The following ADAM12 variants were observed in gnomAD, a reference collection of about 807,000 sequenced individuals.
ADAM12 encodes the protein ADAM metallopeptidase domain 12.
Under a neutral mutation model 106.4 loss-of-function variants are expected in ADAM12, and 70 were observed. That is an observed-to-expected ratio of 0.66 (90% CI 0.54 to 0.80). The LOEUF is 0.80. Ranked by LOEUF, ADAM12 falls within the 30% of genes least tolerant of loss-of-function variation. ADAM12 has a pLI of 0.00. For missense variants in ADAM12, 1,010 were observed against 1,171.9 expected (o/e 0.86, Z 2.02); for synonymous variants, 420 against 433.5 (o/e 0.97, Z 0.39).
At chr10:126,319,403 T>C (rs114705642) in intron 2 of ADAM12, among the ~76,000 whole-genome samples, 1,639 of 152,162 alleles carry the variant, frequency 0.011, 35 homozygotes, top group African/African-American at 0.037. Flanking sequence ...CCCCTTGATA[T>C]GGTGTAACAA....
intron 14 of ADAM12, among the ~76,000 whole-genome samples, chr10:126,058,224 T>C (rs1267593793): frequency 6.6e-6 from 1 of 152,252 alleles, no homozygotes; most frequent in African/African-American, 2.4e-5. Context: ...CCAGGGCTCC[T>C]ACCTGTGGGC....
chr10:126,279,651 C>T (rs1168172812), intron 2 of ADAM12, among the ~76,000 whole-genome samples: 8 of 151,710 alleles, frequency 5.3e-5, no homozygotes, highest in Non-Finnish European at 1.2e-4. Context: ...CGCTTGAACC[C>T]GGGAGGCCGA....
At chr10:126,051,536 C>T (rs11599697) in intron 14 of ADAM12, among the ~76,000 whole-genome samples, 53 of 118,994 alleles carry the variant, frequency 4.5e-4, no homozygotes, top group African/African-American at 1.1e-3. Context: ...CAGCCAGCCA[C>T]CCATCCATCC....
chr10:126,231,298 T>C (rs1958305419), intron 3 of ADAM12, among the ~76,000 whole-genome samples: 1 of 152,164 alleles, frequency 6.6e-6, no homozygotes, highest in African/African-American at 2.4e-5. Context: ...TTTGGCTTTC[T>C]TTTTCCAGGG....
rs114918899 is a variant in ADAM12 at position 126,270,433 on chromosome 10, A to G, written c.260+8482T>C. On this transcript the variant is annotated intron_variant, in intron 3 of 22. Transcript: ENST00000448723. ...CCAGTGCTGTCCAACAGAAATTTCT[A>G]TGATGATGGAAATGTCCGTCTAGCC... Among the ~76,000 whole-genome samples, 1,426 of 152,334 alleles carry G rather than the reference A, an allele frequency of 9.4e-3. 24 individuals are homozygous for G. The highest frequency in any genetic ancestry group is 0.032 in the African/African-American group (1,351 of 41,572).
chr10:126,338,789 G>A (rs573698489), intron 1 of ADAM12, among the ~76,000 whole-genome samples: 2 of 152,092 alleles, frequency 1.3e-5, no homozygotes, highest in Non-Finnish European at 2.9e-5. Context: ...TGATGTAAGG[G>A]GAAAATGAAA....
chr10:126,340,916 C>G (rs1420952347), intron 1 of ADAM12, among the ~76,000 whole-genome samples: 1 of 151,976 alleles, frequency 6.6e-6, no homozygotes, highest in African/African-American at 2.4e-5. Context: ...GGGGTTTCAC[C>G]ATCTTGGCCA....
intron 11 of ADAM12, among the ~76,000 whole-genome samples, chr10:126,093,713 C>G (rs531879882): frequency 6.6e-6 from 1 of 152,214 alleles, no homozygotes; most frequent in African/African-American, 2.4e-5. Context: ...AGATAATTAG[C>G]GATTTCTAAA....
chr10:126,129,565 A>G (rs921483078), intron 5 of ADAM12, among the ~76,000 whole-genome samples: 3 of 152,242 alleles, frequency 2.0e-5, no homozygotes, highest in Non-Finnish European at 4.4e-5. Context: ...CCTGGCTGGC[A>G]GGAATGAGAG....
chr10:126,094,852 T>A (rs978411014), intron 10 of ADAM12, among the ~76,000 whole-genome samples: 4 of 152,284 alleles, frequency 2.6e-5, no homozygotes, highest in Admixed American at 6.5e-5. Context: ...ACCTTTTGCT[T>A]GGATATGGAA....
chr10:126,302,206 T>C (rs1317525607), intron 2 of ADAM12, among the ~76,000 whole-genome samples: 1 of 152,198 alleles, frequency 6.6e-6, no homozygotes, highest in African/African-American at 2.4e-5. Context: ...AACTGTTCAT[T>C]TTGCTTCACC....
Position 126,039,414 on chromosome 10 carries a change from G to A in ADAM12, c.2120C>T (p.Thr707Ile). ...CAGGATGGTCACCAGAATTCCTATG[G>A]TTAAACCTTGGTTATCTGAAACAAA... is the stretch of plus-strand genomic sequence containing the variant. ...PIRQADNQGLTIGILVTILCL... is the reference protein window; with the variant it reads ...PIRQADNQGLIIGILVTILCL... Residue 707 changes from threonine to isoleucine, a missense_variant, in exon 19 of 23, where the codon ACC becomes ATC. Thr to Ile is a moderately conservative substitution (Grantham distance 89). Coordinates refer to ENST00000448723, the MANE Select transcript of ADAM12 (RefSeq NM_001288973.2). 1.9e-6 allele frequency: 3 copies of A among 1,614,070 alleles called. No homozygotes were observed. Among genetic ancestry groups the A allele is most frequent in the African/African-American group, 2.7e-5 (2 of 75,030 alleles).
chr10:126,325,182 AGAG>A (rs1854253760), intron 2 of ADAM12, among the ~76,000 whole-genome samples: 1 of 152,194 alleles, frequency 6.6e-6, no homozygotes, highest in African/African-American at 2.4e-5. Context: ...CCCAAAGAAG[AGAG>A]GAGTTCAGAG....
intron 3 of ADAM12, among the ~76,000 whole-genome samples, chr10:126,197,702 T>A (rs1285438230): frequency 1.3e-5 from 2 of 152,158 alleles, no homozygotes; most frequent in Non-Finnish European, 2.9e-5. Flanking sequence ...CCTGGCTGCA[T>A]TTGGTATTTA....
rs544892225 is a variant in ADAM12, at chr10:126,293,985, C to T, written c.187-14997G>A. Among the ~76,000 whole-genome samples, 5 of 152,312 alleles carry T rather than the reference C, an allele frequency of 3.3e-5. No individual in the cohort carries two copies. In the South Asian group the frequency reaches 1.0e-3, roughly 32 times the overall value. Reference sequence around the variant, plus strand: ...TCACAAACACTGTCTACCCACTGGGCTTCAAGCCTCTTGAGGCCTCAGGCA... The same window carrying T: ...TCACAAACACTGTCTACCCACTGGGTTTCAAGCCTCTTGAGGCCTCAGGCA... On this transcript the variant is annotated intron_variant, in intron 2 of 22. Transcript: ENST00000448723.
chr10:126,026,309 T>G (rs928291594), intron 21 of ADAM12, among the ~76,000 whole-genome samples: 1 of 152,158 alleles, frequency 6.6e-6, no homozygotes, highest in Non-Finnish European at 1.5e-5. Flanking sequence ...GTGTGCATCT[T>G]ATACCACCCA....
intron 10 of ADAM12, among the ~76,000 whole-genome samples, chr10:126,094,570 C>T (rs1955522508): frequency 6.6e-6 from 1 of 152,176 alleles, no homozygotes; most frequent in African/African-American, 2.4e-5. Flanking sequence ...GTGACAGGTG[C>T]AAGCACGCTT....
chr10:126,226,736 T>C (rs1439376166), intron 3 of ADAM12, among the ~76,000 whole-genome samples: 1 of 152,150 alleles, frequency 6.6e-6, no homozygotes, highest in Non-Finnish European at 1.5e-5. Context: ...GTTCAGTAAT[T>C]GAGGACAGGA....
chr10:126,055,255 CCT>C (rs1285390983), intron 14 of ADAM12, among the ~76,000 whole-genome samples: 2 of 152,190 alleles, frequency 1.3e-5, no homozygotes, highest in African/African-American at 2.4e-5. Context: ...CCAGACTCCC[CCT>C]GAGTCAGCAC....
Sources: gnomAD v4.1 joint callset for allele counts (sites outside exome capture counted in the v4.1 genomes callset) on GRCh38, gnomAD v4.1.1 for gene constraint, MANE v1.5 for transcripts, NCBI Gene and HGNC (gene_info 2026-07-23, HGNC 2026-07-21) for gene names.